The following KIF16B variants were observed in gnomAD, a reference collection of about 807,000 sequenced individuals.
KIF16B encodes the protein kinesin-like protein KIF16B.
In KIF16B, 98 loss-of-function variants were observed where a neutral mutation model predicts 156.3. The ratio of observed to expected loss-of-function variants is 0.63; its 90% CI spans 0.53 to 0.74. The LOEUF is 0.74. Among genes scored for constraint, KIF16B ranks in the 30% least tolerant of loss-of-function variants. The pLI is 0.00. For synonymous variants in KIF16B, 564 were observed against 583.7 expected (o/e 0.97, Z 0.49); for missense variants, 1,421 against 1,606.5 (o/e 0.88, Z 1.97).
At chr20:16,509,754 C>T (rs1478242599) in intron 6 of KIF16B, among the ~76,000 whole-genome samples, 1 of 152,072 alleles carries the variant, frequency 6.6e-6, no homozygotes, top group African/African-American at 2.4e-5. Flanking sequence ...AATATTTTTC[C>T]TATTTTGTAA....
At chr20:16,438,382 T>G (rs2066705185) in intron 12 of KIF16B, among the ~76,000 whole-genome samples, 1 of 152,198 alleles carries the variant, frequency 6.6e-6, no homozygotes, top group Non-Finnish European at 1.5e-5. Flanking sequence ...TTTATTACAG[T>G]ATAATGTTAT....
intron 25 of KIF16B, among the ~76,000 whole-genome samples, chr20:16,292,435 A>G (rs2063327048): frequency 6.6e-6 from 1 of 152,230 alleles, no homozygotes; most frequent in South Asian, 2.1e-4. Context: ...AAAAATAGCT[A>G]GCTGAATTCT....
At position 16,459,878 on chromosome 20, in the gene KIF16B, CT is replaced by C. The variant is rs780225111; in HGVS notation, c.1303-29897del. 9.2e-5 allele frequency among the ~76,000 whole-genome samples: 14 copies of C among 152,272 alleles called. No individual in the cohort carries two copies. The East Asian group carries it at 2.7e-3, about 29-fold the overall frequency. ...TTACTTCTGACCTGTGCTCAAAGGACTTGCTCTGTTTTAGTACTCATCTAGT... is the reference window on the plus strand; with the variant it reads ...TTACTTCTGACCTGTGCTCAAAGGACTGCTCTGTTTTAGTACTCATCTAGT... On this transcript the variant is annotated intron_variant, in intron 12 of 25. Transcript: ENST00000354981.
intron 17 of KIF16B, among the ~76,000 whole-genome samples, chr20:16,392,620 C>G (rs769980155): frequency 1.3e-5 from 2 of 152,218 alleles, no homozygotes; most frequent in Non-Finnish European, 2.9e-5. Flanking sequence ...CATGCCGATA[C>G]GCCTAACCAG....
chr20:16,357,286 T>A (rs1054264661), intron 22 of KIF16B, among the ~76,000 whole-genome samples: 2 of 152,232 alleles, frequency 1.3e-5, no homozygotes, highest in African/African-American at 2.4e-5. Flanking sequence ...CCAGTTTACA[T>A]GAATTGGCTC....
chr20:16,551,139 T>TTC (rs2070641744), intron 1 of KIF16B, among the ~76,000 whole-genome samples: 2 of 151,158 alleles, frequency 1.3e-5, no homozygotes, highest in African/African-American at 4.9e-5. Context: ...CTTCTTTTTT[T>TTC]TTTTTTTTTG....
At chr20:16,550,876 C>T (rs2070623528) in intron 1 of KIF16B, among the ~76,000 whole-genome samples, 1 of 151,878 alleles carries the variant, frequency 6.6e-6, no homozygotes, top group Non-Finnish European at 1.5e-5. Context: ...CATCCCAGGG[C>T]TAGAACGGGT....
At chr20:16,353,585 G>C (rs139205299) in intron 23 of KIF16B, among the ~76,000 whole-genome samples, 9 of 152,156 alleles carry the variant, frequency 5.9e-5, no homozygotes, top group South Asian at 4.1e-4. Flanking sequence ...AATGAGGGGG[G>C]GGTTTATGAT....
At chr20:16,495,429 T>C (rs1374312073) in intron 11 of KIF16B, among the ~76,000 whole-genome samples, 5 of 152,232 alleles carry the variant, frequency 3.3e-5, no homozygotes, top group Non-Finnish European at 7.3e-5. Context: ...GCATCAGTTA[T>C]TGACAAATAT....
chr20:16,461,120 T>C (rs2146677207), intron 12 of KIF16B, among the ~76,000 whole-genome samples: 1 of 152,108 alleles, frequency 6.6e-6, no homozygotes, highest in African/African-American at 2.4e-5. Flanking sequence ...CGTTAATATT[T>C]TGAAACAAGA....
At chr20:16,420,698 G>A (rs1289977005) in intron 15 of KIF16B, among the ~76,000 whole-genome samples, 1 of 150,956 alleles carries the variant, frequency 6.6e-6, no homozygotes, top group Non-Finnish European at 1.5e-5. Flanking sequence ...GCCTCAAAAG[G>A]TTTGTTTGTT....
chr20:16,442,158 T>A (rs1185536698), intron 12 of KIF16B, among the ~76,000 whole-genome samples: 1 of 152,094 alleles, frequency 6.6e-6, no homozygotes, highest in Non-Finnish European at 1.5e-5. Flanking sequence ...ATATTTACAG[T>A]GATACAGAAG....
At chr20:16,415,080 T>C (rs534287985) in intron 15 of KIF16B, among the ~76,000 whole-genome samples, 6 of 152,262 alleles carry the variant, frequency 3.9e-5, no homozygotes, top group South Asian at 2.1e-4. Context: ...CACAGCCTCA[T>C]TGTAATTCAA....
chr20:16,529,401 T>C (rs1432441163), intron 1 of KIF16B, among the ~76,000 whole-genome samples: 3 of 152,244 alleles, frequency 2.0e-5, no homozygotes, highest in Non-Finnish European at 4.4e-5. Flanking sequence ...TGAGAAACTA[T>C]TTCAATTACG....
intron 1 of KIF16B, among the ~76,000 whole-genome samples, chr20:16,558,608 A>G (rs1033820303): frequency 6.6e-6 from 1 of 152,248 alleles, no homozygotes; most frequent in African/African-American, 2.4e-5. Context: ...AGAGCCACGA[A>G]AATGTGGGGG....
At position 16,379,341 on chromosome 20, in the gene KIF16B, T is replaced by G. The variant is rs750072039; in HGVS notation, c.2661A>C (p.Glu887Asp). The G allele has an allele frequency of 9.3e-6, 15 of 1,605,882 alleles. No homozygotes were observed. The highest frequency in any genetic ancestry group is 1.2e-5 in the Non-Finnish European group (14 of 1,176,640). Residue 887 changes from glutamate to aspartate, a missense_variant, in exon 19 of 26, where the codon GAA becomes GAC. Transcript: ENST00000354981. ...TTATTTTCTCGAAATCTTGAGGCAC[T>G]TCCGTGACATCTGTGACACTCTCAT... Reference protein sequence around the residue: ...KHDESVTDVTEVPQDFEKIKP... With the variant: ...KHDESVTDVTDVPQDFEKIKP...
intron 1 of KIF16B, among the ~76,000 whole-genome samples, chr20:16,570,297 T>G (rs1176503573): frequency 6.6e-6 from 1 of 152,202 alleles, no homozygotes; most frequent in Non-Finnish European, 1.5e-5. Context: ...AATGAAATGG[T>G]CAAATCAAAA....
chr20:16,487,247 A>G (rs1041568748), intron 12 of KIF16B, among the ~76,000 whole-genome samples: 1 of 145,488 alleles, frequency 6.9e-6, no homozygotes, highest in East Asian at 1.9e-4. Context: ...TCGAGACTCC[A>G]TCTCAAAAAA....
intron 1 of KIF16B, among the ~76,000 whole-genome samples, chr20:16,541,667 CAT>C (rs2070203920): frequency 6.6e-6 from 1 of 152,322 alleles, no homozygotes; most frequent in African/African-American, 2.4e-5. Flanking sequence ...GAGAAGCAGA[CAT>C]CTGTGGGAGT....
Sources: allele counts gnomAD v4.1 joint callset (sites outside exome capture counted in the v4.1 genomes callset), GRCh38; gene constraint gnomAD v4.1.1; transcripts MANE v1.5; gene names NCBI Gene and HGNC (gene_info 2026-07-23, HGNC 2026-07-21).